The following SIPA1L2 variants were observed in gnomAD, a reference collection of about 807,000 sequenced individuals.
SIPA1L2 encodes signal-induced proliferation-associated 1-like protein 2.
In SIPA1L2, 56 loss-of-function variants were observed where a neutral mutation model predicts 163.9. The observed-to-expected ratio is 0.34, with a 90% CI of 0.28 to 0.43. SIPA1L2 has a LOEUF of 0.43. Ranked by LOEUF, SIPA1L2 falls within the 20% of genes least tolerant of loss-of-function variation. The probability of loss-of-function intolerance (pLI) is 1.00; values close to 1 mark genes in which losing one functional copy is unlikely to be tolerated. For synonymous variants in SIPA1L2, 877 were observed against 865.7 expected, an observed-to-expected ratio of 1.01 and a Z score of -0.23; for missense variants, 1,974 against 2,193.5, an observed-to-expected ratio of 0.90 and a Z score of 2.00.
chr1:232,516,740 A>C (rs1667236948), intron 2 of SIPA1L2, among the ~76,000 whole-genome samples: 1 of 152,142 alleles, frequency 6.6e-6, no homozygotes, highest in African/African-American at 2.4e-5. Flanking sequence ...AGTCCACTGG[A>C]AAGAGTTTTT....
At chr1:232,477,906 G>T (rs955327118) in intron 7 of SIPA1L2, among the ~76,000 whole-genome samples, 3 of 152,174 alleles carry the variant, frequency 2.0e-5, no homozygotes, top group Non-Finnish European at 4.4e-5. Context: ...AGGCTTTGTG[G>T]TTTGAATACT....
Position 232,433,783 on chromosome 1 carries a change from T to C in SIPA1L2, c.4032-1312A>G, listed in dbSNP as rs1303876179. ...TTAAATTATAGGTCTAATCTCAGCGTTCAGAAAGGCAGGTGGGCTTCACTT... is the reference window on the plus strand; with the variant it reads ...TTAAATTATAGGTCTAATCTCAGCGCTCAGAAAGGCAGGTGGGCTTCACTT... On this transcript the variant is annotated intron_variant, in intron 15 of 22. Coordinates refer to ENST00000674635, the MANE Select transcript of SIPA1L2 (RefSeq NM_020808.5). Among the ~76,000 whole-genome samples, 3 of 152,310 alleles carry C rather than the reference T, an allele frequency of 2.0e-5. No homozygotes were observed. In the East Asian group the frequency reaches 5.8e-4, roughly 29 times the overall value.
At chr1:232,575,308 G>A (rs897189716) in intron 1 of SIPA1L2, among the ~76,000 whole-genome samples, 1 of 152,168 alleles carries the variant, frequency 6.6e-6, no homozygotes, top group Non-Finnish European at 1.5e-5. Context: ...CAGTTTACAA[G>A]TGTTAACCCA....
At chr1:232,593,585 G>C (rs6660248) in intron 1 of SIPA1L2, among the ~76,000 whole-genome samples, 40,895 of 151,986 alleles carry the variant, frequency 0.27, 5,655 homozygotes, top group African/African-American at 0.32. Context: ...ATTTGTTATG[G>C]TTTTGTTCAA....
intron 7 of SIPA1L2, among the ~76,000 whole-genome samples, chr1:232,478,048 T>C (rs1200359640): frequency 6.6e-6 from 1 of 152,226 alleles, no homozygotes; most frequent in African/African-American, 2.4e-5. Flanking sequence ...GATTCACAAG[T>C]ATTTGCTGGA....
In SIPA1L2 at chr1:232,501,398, G is replaced by C. The variant is rs1018736411; in HGVS notation, c.1484-7738C>G. On this transcript the variant is annotated intron_variant, in intron 3 of 22. Transcript: ENST00000674635. ...GATGTGGTCTGACACTGACCCTACC[G>C]CATCTCTGAGCTGTGCCTTGTTAGG... 2.0e-5 allele frequency among the ~76,000 whole-genome samples: 3 copies of C among 152,028 alleles called. No individual in the cohort carries two copies. In the South Asian group the frequency reaches 6.2e-4, roughly 31 times the overall value.
intron 4 of SIPA1L2, among the ~76,000 whole-genome samples, chr1:232,491,563 T>C (rs553281456): frequency 3.9e-5 from 6 of 152,326 alleles, no homozygotes; most frequent in Admixed American, 1.3e-4. Flanking sequence ...GTGGTATCCA[T>C]GGGCAGGGTG....
At chr1:232,584,707 G>C (rs1057131037) in intron 1 of SIPA1L2, among the ~76,000 whole-genome samples, 2 of 152,202 alleles carry the variant, frequency 1.3e-5, no homozygotes, top group African/African-American at 2.4e-5. Context: ...CCTACAAAGG[G>C]AAAGTATCCA....
rs765655903 is a variant in SIPA1L2, at chr1:232,439,470, G to A, written c.3669C>T (p.His1223=). Residue 1223 remains histidine (H), a synonymous_variant, in exon 15 of 23, where the codon CAC becomes CAT. Transcript: ENST00000674635. ...SHIGDKSCSS[H]SSSNTLSSNT... ...TGCTGGAGAGCGTGTTGCTGCTGGA[G>A]TGACTGGAGCAACTTTTATCCCCAA... The A allele has an allele frequency of 8.7e-6, 14 of 1,613,672 alleles. No homozygotes were observed. The highest frequency in any genetic ancestry group is 1.2e-5 in the Non-Finnish European group (14 of 1,179,606).
chr1:232,512,484 T>G (rs1455398577), intron 3 of SIPA1L2, among the ~76,000 whole-genome samples: 1 of 152,156 alleles, frequency 6.6e-6, no homozygotes, highest in Non-Finnish European at 1.5e-5. Context: ...TGCCCATCAA[T>G]GATAGACTAG....
rs1489634278 is a variant in SIPA1L2, at chr1:232,441,802, C to T, written c.3504G>A (p.Glu1168=). Residue 1168 remains glutamate (E), a synonymous_variant, in exon 13 of 23, where the codon GAG becomes GAA. Coordinates refer to ENST00000674635, the MANE Select transcript of SIPA1L2 (RefSeq NM_020808.5). The stretch of plus-strand genomic sequence containing the variant: ...TGCTTGCTTCCATGGTGTCTTCCCT[C>T]TCCCTGGCTCCGTCACATTCCAAAG... ...SGPLECDGAR[E]REDTMEASRH... is the part of the protein sequence containing the mutation. The T allele has an allele frequency of 6.2e-7, 1 of 1,613,956 alleles. No individual in the cohort carries two copies. Among genetic ancestry groups the T allele is most frequent in the Non-Finnish European group, 8.5e-7 (1 of 1,179,974 alleles).
At chr1:232,443,955 T>A (rs1003620399) in intron 11 of SIPA1L2, among the ~76,000 whole-genome samples, 2 of 152,178 alleles carry the variant, frequency 1.3e-5, no homozygotes, top group African/African-American at 4.8e-5. Context: ...AAAGCACAGA[T>A]AATGACTCCC....
chr1:232,578,775 T>C (rs1050936643), intron 1 of SIPA1L2, among the ~76,000 whole-genome samples: 1 of 152,214 alleles, frequency 6.6e-6, no homozygotes, highest in Non-Finnish European at 1.5e-5. Context: ...GTTCCACTCT[T>C]TTAACTGACG....
At chr1:232,564,830 A>G (rs932962810) in intron 2 of SIPA1L2, among the ~76,000 whole-genome samples, 10 of 152,122 alleles carry the variant, frequency 6.6e-5, no homozygotes, top group South Asian at 2.1e-4. Context: ...GTTCTCTCTC[A>G]TAAGTGGGAC....
intron 2 of SIPA1L2, among the ~76,000 whole-genome samples, chr1:232,527,171 A>T (rs1245668702): frequency 6.6e-6 from 1 of 152,244 alleles, no homozygotes; most frequent in Non-Finnish European, 1.5e-5. Context: ...ATAAAACAAG[A>T]AACTTTGTGG....
At chr1:232,441,417 T>A (rs951722089) in intron 13 of SIPA1L2, 23 bp from the exon 14 acceptor site, 2 of 1,572,546 alleles carry the variant, frequency 1.3e-6, no homozygotes, top group East Asian at 4.5e-5. Context: ...AAGAGAGGAG[T>A]TGAATTTCCA....
intron 1 of SIPA1L2, among the ~76,000 whole-genome samples, chr1:232,628,491 A>C (rs940421909): frequency 6.6e-6 from 1 of 152,212 alleles, no homozygotes; most frequent in African/African-American, 2.4e-5. Flanking sequence ...AACTAACAGA[A>C]CTCTGAATTC....
chr1:232,610,251 T>C (rs758827540), intron 1 of SIPA1L2, among the ~76,000 whole-genome samples: 7 of 152,132 alleles, frequency 4.6e-5, no homozygotes, highest in Non-Finnish European at 8.8e-5. Context: ...CTGTGAGGGA[T>C]TGGAAATTAA....
chr1:232,630,256 A>ACGCCGTCAGTCT (rs1011064101), upstream of SIPA1L2, among the ~76,000 whole-genome samples: 1 of 151,482 alleles, frequency 6.6e-6, no homozygotes, highest in African/African-American at 2.4e-5. Flanking sequence ...TTGGGCGCGG[A>ACGCCGTCAGTCT]CGCCGTCAGT....
Sources: allele counts gnomAD v4.1 joint callset (sites outside exome capture counted in the v4.1 genomes callset), GRCh38; gene constraint gnomAD v4.1.1; transcripts MANE v1.5; gene names NCBI Gene and HGNC (gene_info 2026-07-23, HGNC 2026-07-21).